The following RIMS1 variants were observed in gnomAD, a reference collection of about 807,000 sequenced individuals.
RIMS1 encodes regulating synaptic membrane exocytosis protein 1.
Under a neutral mutation model 214.1 loss-of-function variants are expected in RIMS1, and 83 were observed. The ratio of observed to expected loss-of-function variants is 0.39; its 90% CI spans 0.32 to 0.47. RIMS1 has a LOEUF of 0.47. Ranked by LOEUF, RIMS1 falls within the 20% of genes least tolerant of loss-of-function variation. The pLI is 0.99. For synonymous variants in RIMS1, 793 were observed against 786.8 expected, an observed-to-expected ratio of 1.01 and a Z score of -0.13; for missense variants, 2,050 against 2,161.8, an observed-to-expected ratio of 0.95 and a Z score of 1.03.
chr6:72,079,146 A>G (rs889146079), intron 2 of RIMS1, among the ~76,000 whole-genome samples: 3 of 152,212 alleles, frequency 2.0e-5, no homozygotes, highest in Non-Finnish European at 2.9e-5. Flanking sequence ...AAAAGGTATG[A>G]CCACTGGGGC....
chr6:72,078,085 T>C (rs773360500), intron 2 of RIMS1, among the ~76,000 whole-genome samples: 2 of 152,172 alleles, frequency 1.3e-5, no homozygotes, highest in Non-Finnish European at 2.9e-5. Flanking sequence ...AAGCAATCTG[T>C]TAAAAACTAT....
chr6:72,304,482 G>A (rs1180773407), intron 26 of RIMS1, among the ~76,000 whole-genome samples: 1 of 151,536 alleles, frequency 6.6e-6, no homozygotes, highest in East Asian at 1.9e-4. Context: ...ATAACTTATT[G>A]GAATCGTGCC....
chr6:72,192,566 T>G (rs2050237828), intron 6 of RIMS1, among the ~76,000 whole-genome samples: 1 of 152,208 alleles, frequency 6.6e-6, no homozygotes, highest in African/African-American at 2.4e-5. Flanking sequence ...TTATATAAAT[T>G]AAGAATGCAG....
chr6:72,310,191 T>G (rs773588965), intron 27 of RIMS1, among the ~76,000 whole-genome samples: 3 of 152,238 alleles, frequency 2.0e-5, no homozygotes, highest in Admixed American at 6.5e-5. Context: ...TCTCAAATAC[T>G]TTTAACCAAC....
At chr6:72,032,439 C>T (rs1818404977) in intron 2 of RIMS1, among the ~76,000 whole-genome samples, 1 of 152,064 alleles carries the variant, frequency 6.6e-6, no homozygotes, top group East Asian at 1.9e-4. Context: ...TCCTAGAGTA[C>T]TGGGCTCTTT....
chr6:72,131,100 G>C (rs953866594), intron 4 of RIMS1, among the ~76,000 whole-genome samples: 2 of 152,118 alleles, frequency 1.3e-5, no homozygotes, highest in African/African-American at 4.8e-5. Flanking sequence ...CTTTCTAATA[G>C]AGAAAGTACC....
At chr6:71,893,681 T>C (rs1770678757) in intron 1 of RIMS1, among the ~76,000 whole-genome samples, 1 of 152,224 alleles carries the variant, frequency 6.6e-6, no homozygotes, top group Non-Finnish European at 1.5e-5. Flanking sequence ...TGTATTTATA[T>C]TCTCACATTC....
intron 4 of RIMS1, among the ~76,000 whole-genome samples, chr6:72,122,207 CTTTTTT>C (rs34948011): frequency 7.3e-6 from 1 of 136,332 alleles, no homozygotes; most frequent in Non-Finnish European, 1.6e-5. Flanking sequence ...TTCCTTTTTT[CTTTTTT>C]TTTTTTTTTG....
chr6:72,140,648 C>A (rs1283879377), intron 4 of RIMS1, among the ~76,000 whole-genome samples: 1 of 151,980 alleles, frequency 6.6e-6, no homozygotes, highest in East Asian at 1.9e-4. Flanking sequence ...GAAAGCAGAG[C>A]CCTGTTATGT....
chr6:71,942,854 A>G (rs1173552968), intron 1 of RIMS1, among the ~76,000 whole-genome samples: 1 of 152,082 alleles, frequency 6.6e-6, no homozygotes, highest in Non-Finnish European at 1.5e-5. Flanking sequence ...ACTAATTTTG[A>G]GCACTACTTT....
At chr6:72,159,990 A>G (rs1277716704) in intron 4 of RIMS1, among the ~76,000 whole-genome samples, 1 of 136,422 alleles carries the variant, frequency 7.3e-6, no homozygotes, top group African/African-American at 2.5e-5. Flanking sequence ...CAGCAAGGCC[A>G]TTTTCACGAT....
chr6:71,929,319 G>T (rs2150877209), intron 1 of RIMS1, among the ~76,000 whole-genome samples: 1 of 152,166 alleles, frequency 6.6e-6, no homozygotes, highest in South Asian at 2.1e-4. Flanking sequence ...GAAGGTAGAA[G>T]GTAATCAGAG....
intron 9 of RIMS1, among the ~76,000 whole-genome samples, chr6:72,240,529 A>T (rs2066311991): frequency 6.6e-6 from 1 of 151,176 alleles, no homozygotes; most frequent in Admixed American, 6.6e-5. Flanking sequence ...TGTTCATATT[A>T]TATGTGTACA....
intron 2 of RIMS1, among the ~76,000 whole-genome samples, chr6:71,996,329 T>C (rs1803416347): frequency 6.6e-6 from 1 of 152,186 alleles, no homozygotes; most frequent in Admixed American, 6.5e-5. Context: ...ATAAATAGCA[T>C]CTATGTCTAA....
intron 9 of RIMS1, 67 bp downstream of exon 9, chr6:72,237,989 C>G (rs1158160416): frequency 9.1e-7 from 1 of 1,100,730 alleles, no homozygotes; most frequent in Admixed American, 2.2e-5. Flanking sequence ...TGGTGGTTTT[C>G]AATTTGGGGT....
chr6:72,042,415 G>T (rs1046886571), intron 2 of RIMS1, among the ~76,000 whole-genome samples: 3 of 151,774 alleles, frequency 2.0e-5, no homozygotes, highest in African/African-American at 7.2e-5. Context: ...ATATAAAACA[G>T]TTATAAAAAT....
chr6:72,088,391 G>A (rs1586682323), intron 2 of RIMS1, among the ~76,000 whole-genome samples: 1 of 151,908 alleles, frequency 6.6e-6, no homozygotes, highest in African/African-American at 2.4e-5. Flanking sequence ...TAGGATTACA[G>A]GCGCCTGCCA....
chr6:72,262,757 C>T, intron 19 of RIMS1: 1 of 733,490 alleles, frequency 1.4e-6, no homozygotes, highest in South Asian at 6.3e-5. Flanking sequence ...ACTATGGACA[C>T]TTATTATTTC....
At chr6:72,388,362 T>A (rs1342757528) in intron 29 of RIMS1, among the ~76,000 whole-genome samples, 1 of 152,144 alleles carries the variant, frequency 6.6e-6, no homozygotes, top group African/African-American at 2.4e-5. Context: ...TGGAGAGCAT[T>A]GATCATATGG....
Sources: allele counts gnomAD v4.1 joint callset (sites outside exome capture counted in the v4.1 genomes callset), GRCh38; gene constraint gnomAD v4.1.1; transcripts MANE v1.5; gene names NCBI Gene and HGNC (gene_info 2026-07-23, HGNC 2026-07-21).